PDE4B: variants seen among roughly 807,000 people sequenced by gnomAD.
The protein encoded by PDE4B is 3',5'-cyclic-AMP phosphodiesterase 4B.
Under a neutral mutation model 82.2 loss-of-function variants are expected in PDE4B, and 20 were observed. The observed-to-expected ratio is 0.24, with a 90% CI of 0.17 to 0.35. The LOEUF is 0.35. PDE4B is among the 10% of genes least tolerant of loss of function. PDE4B has a pLI of 1.00. For missense variants in PDE4B, 655 were observed against 907.2 expected (o/e 0.72, Z 3.57); for synonymous variants, 320 against 318.9 (o/e 1.00, Z -0.04).
At chr1:66,225,052 C>G (rs1416844063) in intron 3 of PDE4B, among the ~76,000 whole-genome samples, 1 of 152,222 alleles carries the variant, frequency 6.6e-6, no homozygotes, top group South Asian at 2.1e-4. Flanking sequence ...CTGGACACCA[C>G]TTCACCTTGG....
intron 3 of PDE4B, among the ~76,000 whole-genome samples, chr1:66,246,717 G>C (rs956073348): frequency 3.9e-5 from 6 of 152,344 alleles, no homozygotes; most frequent in Non-Finnish European, 7.4e-5. Context: ...TTCTGGGCTT[G>C]AGGGCACCTT....
At chr1:66,087,224 C>G (rs1487190509) in intron 3 of PDE4B, among the ~76,000 whole-genome samples, 1 of 152,096 alleles carries the variant, frequency 6.6e-6, no homozygotes, top group Non-Finnish European at 1.5e-5. Context: ...TTAAAAGTAT[C>G]TTACAAAGAT....
At chr1:65,906,359 T>TGG (rs980727975) in intron 1 of PDE4B, among the ~76,000 whole-genome samples, 32 of 152,178 alleles carry the variant, frequency 2.1e-4, no homozygotes, top group African/African-American at 7.5e-4. Context: ...CTCTCAGGTG[T>TGG]GGAGAGAGCT....
chr1:65,968,155 C>T (rs1042130723), intron 3 of PDE4B, among the ~76,000 whole-genome samples: 2 of 151,984 alleles, frequency 1.3e-5, no homozygotes, highest in Non-Finnish European at 2.9e-5. Context: ...AGACCAGCTG[C>T]GATTGAGTTC....
At chr1:66,290,021 A>G (rs777769043) in intron 7 of PDE4B, among the ~76,000 whole-genome samples, 1 of 152,198 alleles carries the variant, frequency 6.6e-6, no homozygotes, top group African/African-American at 2.4e-5. Context: ...AATGCCAATG[A>G]CTAAGTTGAA....
At chr1:66,343,041 TG>T (rs1246825031) in intron 8 of PDE4B, among the ~76,000 whole-genome samples, 1 of 151,826 alleles carries the variant, frequency 6.6e-6, no homozygotes, top group Admixed American at 6.6e-5. Context: ...TGCTGGGTGA[TG>T]GGAGTGAAAC....
At chr1:66,111,576 G>T (rs996749151) in intron 3 of PDE4B, among the ~76,000 whole-genome samples, 1 of 152,082 alleles carries the variant, frequency 6.6e-6, no homozygotes, top group Non-Finnish European at 1.5e-5. Context: ...CTTCATCTAT[G>T]TTGTAGCATG....
At chr1:66,152,557 AAT>A (rs759121610) in intron 3 of PDE4B, 3 of 280,302 alleles carry the variant, frequency 1.1e-5, no homozygotes, top group South Asian at 3.3e-5. Context: ...ATATATATAA[AAT>A]ATATATATGA....
chr1:65,964,236 T>G (rs1385397576), intron 3 of PDE4B, among the ~76,000 whole-genome samples: 1 of 152,192 alleles, frequency 6.6e-6, no homozygotes, highest in Non-Finnish European at 1.5e-5. Flanking sequence ...GTACTAATAC[T>G]GTCTTTTAAA....
intron 3 of PDE4B, among the ~76,000 whole-genome samples, chr1:66,235,144 G>A (rs1158984862): frequency 2.6e-5 from 4 of 152,032 alleles, no homozygotes; most frequent in African/African-American, 9.7e-5. Flanking sequence ...TTTTTTTGAT[G>A]TTTTGAGACT....
chr1:66,329,688 T>A (rs995227626), intron 7 of PDE4B, among the ~76,000 whole-genome samples: 15 of 152,238 alleles, frequency 9.9e-5, no homozygotes, highest in African/African-American at 3.6e-4. Flanking sequence ...CCTAGGCACT[T>A]CATATATTTT....
At chr1:66,194,505 T>C (rs1319532430) in intron 3 of PDE4B, among the ~76,000 whole-genome samples, 3 of 152,158 alleles carry the variant, frequency 2.0e-5, no homozygotes, top group Admixed American at 6.6e-5. Context: ...ATAAAAATCA[T>C]GGACTAAAAA....
chr1:66,124,915 A>ATGTG (rs1332424381), intron 3 of PDE4B, among the ~76,000 whole-genome samples: 2 of 39,610 alleles, frequency 5.0e-5, no homozygotes, highest in African/African-American at 1.9e-4. Flanking sequence ...GTGTGTGTGT[A>ATGTG]TGCGTGTGTG....
intron 1 of PDE4B, among the ~76,000 whole-genome samples, chr1:65,801,109 C>T (rs1645689775): frequency 6.6e-6 from 1 of 152,194 alleles, no homozygotes; most frequent in African/African-American, 2.4e-5. Flanking sequence ...CTTCTTAAAA[C>T]GAAGTCTGTT....
chr1:65,918,760 A>G lies in PDE4B; in HGVS notation c.206A>G (p.Asp69Gly). The G allele has an allele frequency of 6.2e-7, 1 of 1,614,112 alleles. No individual in the cohort carries two copies. The highest frequency in any genetic ancestry group is 8.5e-7 in the Non-Finnish European group (1 of 1,179,940). ...QSERARTPEG[D>G]GISRPTTLPL... ...GAAAGGGCAAGGACTCCTGAGGGAG[A>G]TGGTATTTCCAGGCCGACCACACTG... Residue 69 changes from aspartate to glycine, a missense_variant, in exon 3 of 17, where the codon GAT becomes GGT. Physicochemically the swap from Asp to Gly is moderately conservative, Grantham distance 94. Coordinates refer to ENST00000341517, the MANE Select transcript of PDE4B (RefSeq NM_002600.4).
intron 3 of PDE4B, among the ~76,000 whole-genome samples, chr1:66,207,271 G>A (rs1649628343): frequency 6.6e-6 from 1 of 152,044 alleles, no homozygotes; most frequent in South Asian, 2.1e-4. Flanking sequence ...AATTTATAAT[G>A]ATATTGTTAT....
chr1:65,903,419 GCACACACACACA>G (rs10580572), intron 1 of PDE4B, among the ~76,000 whole-genome samples: 15 of 148,498 alleles, frequency 1.0e-4, no homozygotes, highest in African/African-American at 3.5e-4. Context: ...ACACACACAT[GCACACACACACA>G]CACACACACA....
intron 1 of PDE4B, among the ~76,000 whole-genome samples, chr1:65,843,479 T>G (rs1315180537): frequency 3.3e-5 from 5 of 152,322 alleles, no homozygotes; most frequent in South Asian, 4.1e-4. Flanking sequence ...GCACCTCTTG[T>G]TAACAGTTAA....
chr1:65,807,748 C>A (rs987607337), intron 1 of PDE4B, among the ~76,000 whole-genome samples: 5 of 152,132 alleles, frequency 3.3e-5, no homozygotes, highest in African/African-American at 1.2e-4. Flanking sequence ...ACGAACTTTT[C>A]AATGTGATGT....
Sources: gnomAD v4.1 joint callset for allele counts (sites outside exome capture counted in the v4.1 genomes callset) on GRCh38, gnomAD v4.1.1 for gene constraint, MANE v1.5 for transcripts, NCBI Gene and HGNC (gene_info 2026-07-23, HGNC 2026-07-21) for gene names.